CCDC22: variants seen among roughly 807,000 people sequenced by gnomAD.
CCDC22 encodes the protein coiled-coil domain-containing protein 22.
CCDC22 carries 4 observed loss-of-function variants against 53.1 expected under a neutral mutation model. The ratio of observed to expected loss-of-function variants is 0.08; its 90% CI spans 0.04 to 0.17. The LOEUF is 0.17. Ranked by LOEUF, CCDC22 falls within the 10% of genes least tolerant of loss-of-function variation. The pLI, the probability that CCDC22 is intolerant of heterozygous loss-of-function variation, is 1.00. For missense variants in CCDC22, 458 were observed against 554.0 expected, an observed-to-expected ratio of 0.83 and a Z score of 1.74; for synonymous variants, 222 against 224.4, an observed-to-expected ratio of 0.99 and a Z score of 0.10.
chrX:49,243,567 C>A, intron 6 of CCDC22, 105 bp downstream of exon 6: 1 of 676,820 alleles, frequency 1.5e-6, no homozygotes, highest in Non-Finnish European at 2.1e-6. Context: ...TCCATTGTTT[C>A]CCCTCTGTGT....
chrX:49,247,366 T>G, intron 7 of CCDC22, 130 bp from the exon 8 acceptor site: 1 of 584,413 alleles, frequency 1.7e-6, no homozygotes, highest in Non-Finnish European at 2.8e-6. Context: ...ATAGTCACAG[T>G]CTGGCCACCA....
In CCDC22 at chrX:49,242,024, C is replaced by T; in HGVS notation, c.237C>T (p.Gly79=). The change falls in exon 3 of 17, where the codon GGC becomes GGT. Residue 79 remains glycine (G), a synonymous_variant. Coordinates refer to ENST00000376227, the MANE Select transcript of CCDC22 (RefSeq NM_014008.5). Reference sequence around the variant, plus strand: ...CGCCCACCAACCCTCAGGACCTGGGCTATCCCTTGGAGCTTGGCTATCAGA... The same window carrying T: ...CGCCCACCAACCCTCAGGACCTGGGTTATCCCTTGGAGCTTGGCTATCAGA... ...MSLAQACMDL[G]YPLELGYQNF... is the part of the protein sequence containing the mutation. 1.7e-6 allele frequency: 2 copies of T among 1,210,639 alleles called. No homozygotes were observed. Among genetic ancestry groups the T allele is most frequent in the Non-Finnish European group, 2.2e-6 (2 of 894,997 alleles).
At chrX:49,244,078 C>T (rs984223936) in intron 6 of CCDC22, among the ~76,000 whole-genome samples, 8 of 112,542 alleles carry the variant, frequency 7.1e-5, no homozygotes, top group East Asian at 2.8e-4. Flanking sequence ...CATGAGCCAC[C>T]GCACCCGGCC....
In CCDC22 at chrX:49,241,344, C is replaced by T. The variant is rs781832847; in HGVS notation, c.229-672C>T. Among the ~76,000 whole-genome samples, 7 of 109,826 alleles carry T rather than the reference C, an allele frequency of 6.4e-5. No individual in the cohort carries two copies. In the East Asian group the frequency reaches 1.7e-3, roughly 27 times the overall value. ...CTACACTGAAAATACAAAAATTAGC[C>T]GGGTGTGGTGGCATGCACCTGTAAT... is the stretch of plus-strand genomic sequence containing the variant. On this transcript the variant is annotated intron_variant, in intron 2 of 16. Coordinates refer to ENST00000376227, the MANE Select transcript of CCDC22 (RefSeq NM_014008.5).
Position 49,246,885 on chromosome X carries a change from G to T in CCDC22, c.869G>T (p.Gly290Val). 8.3e-7 allele frequency: 1 copy of T among 1,200,208 alleles called. No individual in the cohort carries two copies. The highest frequency in any genetic ancestry group is 2.2e-5 in the Admixed American group (1 of 45,077). Residue 290 changes from glycine to valine, a missense_variant, in exon 7 of 17, where the codon GGC becomes GTC. By Grantham distance (109) the Gly-to-Val change is moderately radical. This residue lies in a region of CCDC22 where 309 missense variants were observed against 312.3 expected (regional missense o/e 0.99). Coordinates refer to ENST00000376227, the MANE Select transcript of CCDC22 (RefSeq NM_014008.5). ...GGGGCCAAGACTGGTGCTCCTAAGG[G>T]CTCCCGCTTCACGCACTCAGAGAAG... Reference protein sequence around the residue: ...GAGAKTGAPKGSRFTHSEKFT... With the variant: ...GAGAKTGAPKVSRFTHSEKFT...
intron 7 of CCDC22, 63 bp from the exon 8 acceptor site, chrX:49,247,433 G>C (rs1569529349): frequency 1.4e-5 from 15 of 1,070,695 alleles, no homozygotes; most frequent in Non-Finnish European, 1.8e-5. Flanking sequence ...GGGAGGCTGA[G>C]GCTGGGCCAC....
At chrX:49,247,436 T>C in intron 7 of CCDC22, 60 bp from the exon 8 acceptor site, 1 of 1,081,698 alleles carries the variant, frequency 9.2e-7, no homozygotes, top group Non-Finnish European at 1.3e-6. Flanking sequence ...AGGCTGAGGC[T>C]GGGCCACGTG....
intron 1 of CCDC22, 140 bp downstream of exon 1, chrX:49,235,826 TACACACACACACACACACAC>T (rs797042658): frequency 8.2e-6 from 2 of 243,320 alleles, no homozygotes; most frequent in South Asian, 5.2e-5. Context: ...CTCACCCCCT[TACACACACACACACACACAC>T]ACACACACAC....
intron 2 of CCDC22, among the ~76,000 whole-genome samples, chrX:49,238,488 G>A (rs2065949313): frequency 8.9e-6 from 1 of 112,894 alleles, no homozygotes; most frequent in African/African-American, 3.2e-5. Context: ...CCAAAAGAGT[G>A]TCTGCTATAT....
At chrX:49,242,208 C>T in intron 3 of CCDC22, 60 bp downstream of exon 3, 1 of 1,196,390 alleles carries the variant, frequency 8.4e-7, no homozygotes, top group Non-Finnish European at 1.1e-6. Flanking sequence ...CTTCTAGGGG[C>T]TGTAGGGCTG....
chrX:49,238,116 C>T (rs1182449953), intron 2 of CCDC22, among the ~76,000 whole-genome samples: 1 of 99,221 alleles, frequency 1.0e-5, no homozygotes, highest in East Asian at 3.2e-4. Flanking sequence ...CTCTGTCACC[C>T]AAGCTGGAAT....
chrX:49,237,076 C>G lies in CCDC22; in HGVS notation c.51-10C>G, dbSNP rs1000823474. On this transcript the variant is annotated splice_polypyrimidine_tract_variant and intron_variant, in intron 1 of 16. Transcript: ENST00000376227. ...ACTATTCCTGCGATCAAGCTGGTCCCCTTCTTCAGGGCAGTTCCTCCAGAT... is the reference window on the plus strand; with the variant it reads ...ACTATTCCTGCGATCAAGCTGGTCCGCTTCTTCAGGGCAGTTCCTCCAGAT... 4 of 1,203,751 alleles carry G rather than the reference C, an allele frequency of 3.3e-6. No individual in the cohort carries two copies. Among genetic ancestry groups the G allele is most frequent in the South Asian group, 3.5e-5 (2 of 56,568 alleles).
chrX:49,245,641 G>C lies in CCDC22; in HGVS notation c.715-1090G>C, dbSNP rs188594292. ...CTGCCTCGGCCTCCCAAAGTGTTGT[G>C]ATTACAGGCGTGAGCCACCACGCCT... On this transcript the variant is annotated intron_variant, in intron 6 of 16. Transcript: ENST00000376227. 3.0e-3 allele frequency among the ~76,000 whole-genome samples: 332 copies of C among 112,470 alleles called. 1 individual carries two copies. Among genetic ancestry groups the C allele is most frequent in the African/African-American group, 0.01 (312 of 30,985 alleles).
At chrX:49,244,996 CCTCT>C (rs781965731) in intron 6 of CCDC22, among the ~76,000 whole-genome samples, 7 of 110,153 alleles carry the variant, frequency 6.4e-5, no homozygotes, top group East Asian at 5.8e-4. Flanking sequence ...TCTCTGTCCA[CCTCT>C]CTGTCACCCC....
At chrX:49,245,346 G>C (rs189666498) in intron 6 of CCDC22, among the ~76,000 whole-genome samples, 1 of 111,321 alleles carries the variant, frequency 9.0e-6, no homozygotes, top group Admixed American at 9.6e-5. Context: ...CTTCACCTCT[G>C]TGTCTTTTTA....
chrX:49,240,380 C>A (rs1392355823), intron 2 of CCDC22, among the ~76,000 whole-genome samples: 3 of 110,475 alleles, frequency 2.7e-5, no homozygotes, highest in Non-Finnish European at 5.7e-5. Flanking sequence ...CTGGCGAAAC[C>A]CTGTCTCTAC....
At position 49,237,328 on chromosome X, in the gene CCDC22, C is replaced by T; in HGVS notation, c.228+65C>T. 4.0e-6 allele frequency: 4 copies of T among 1,009,194 alleles called. No individual in the cohort carries two copies. In the South Asian group the frequency reaches 8.7e-5, roughly 22 times the overall value. 83.2% of individuals were successfully genotyped at this position (1,009,194 alleles called of 1,213,427 possible). ...CCTCTTTTACAAAGTAACCAAGTTCCTTTGCAACACTTGCCTTTCCTCTGC... is the reference window on the plus strand; with the variant it reads ...CCTCTTTTACAAAGTAACCAAGTTCTTTTGCAACACTTGCCTTTCCTCTGC... On this transcript the variant is annotated intron_variant, in intron 2 of 16. Transcript: ENST00000376227.
chrX:49,240,383 G>A lies in CCDC22; in HGVS notation c.229-1633G>A, dbSNP rs782451597. Among the ~76,000 whole-genome samples, 7 of 110,379 alleles carry A rather than the reference G, an allele frequency of 6.3e-5. No homozygotes were observed. The East Asian group carries it at 2.0e-3, about 31-fold the overall frequency. On this transcript the variant is annotated intron_variant, in intron 2 of 16. Coordinates refer to ENST00000376227, the MANE Select transcript of CCDC22 (RefSeq NM_014008.5). ...AGCCTGGCCAACCTGGCGAAACCCT[G>A]TCTCTACTAAAAATACAAAAATTAG...
intron 7 of CCDC22, 99 bp from the exon 8 acceptor site, chrX:49,247,397 C>A: frequency 2.6e-6 from 2 of 780,348 alleles, no homozygotes; most frequent in Non-Finnish European, 3.8e-6. Flanking sequence ...AGTGGGCATG[C>A]ATGCCGCACT....
Sources: gnomAD v4.1 joint callset for allele counts (sites outside exome capture counted in the v4.1 genomes callset) on GRCh38, gnomAD v4.1.1 for gene constraint, gnomAD v4.1.1 regional missense constraint, MANE v1.5 for transcripts, NCBI Gene and HGNC (gene_info 2026-07-23, HGNC 2026-07-21) for gene names.